The following SLC12A6 variants were observed in gnomAD, a reference collection of about 807,000 sequenced individuals.
SLC12A6 encodes the protein K-Cl cotransporter 3.
Under a neutral mutation model 135.3 loss-of-function variants are expected in SLC12A6, and 66 were observed. The ratio of observed to expected loss-of-function variants is 0.49; its 90% confidence interval spans 0.40 to 0.60. The LOEUF (loss-of-function observed/expected upper bound fraction) is 0.60, where lower values mean the gene tolerates loss of function less well. Among genes scored for constraint, SLC12A6 ranks in the 20% least tolerant of loss-of-function variants. The pLI, the probability that SLC12A6 is intolerant of heterozygous loss-of-function variation, is 0.00. For missense variants in SLC12A6, 1,058 were observed against 1,452.3 expected (o/e 0.73, Z 4.41); for synonymous variants, 513 against 508.8 (o/e 1.01, Z -0.11).
intron 2 of SLC12A6, among the ~76,000 whole-genome samples, chr15:34,298,308 C>A (rs1251903747): frequency 6.6e-6 from 1 of 151,936 alleles, no homozygotes; most frequent in Non-Finnish European, 1.5e-5. Flanking sequence ...AACCCCGTTT[C>A]TACTAAAAAT....
At chr15:34,317,000 C>T (rs1033377416) in intron 2 of SLC12A6, among the ~76,000 whole-genome samples, 2 of 152,136 alleles carry the variant, frequency 1.3e-5, no homozygotes, top group African/African-American at 4.8e-5. Flanking sequence ...TACACATTAG[C>T]CTTACTATCA....
chr15:34,236,348 C>CTT, intron 23 of SLC12A6, 149 bp from the exon 24 acceptor site: 17 of 600,630 alleles, frequency 2.8e-5, no homozygotes, highest in Non-Finnish European at 3.8e-5. Flanking sequence ...AGTATCATCC[C>CTT]TTTTTTTTTT....
At chr15:34,237,968 G>A (rs1010168847) in intron 21 of SLC12A6, among the ~76,000 whole-genome samples, 2 of 152,148 alleles carry the variant, frequency 1.3e-5, no homozygotes, top group Admixed American at 6.5e-5. Flanking sequence ...TTTAAAAAAA[G>A]ATGTGTTCAC....
intron 2 of SLC12A6, among the ~76,000 whole-genome samples, chr15:34,323,772 G>A (rs1041779358): frequency 2.0e-5 from 3 of 152,026 alleles, no homozygotes; most frequent in African/African-American, 2.4e-5. Context: ...GCAACATGGC[G>A]AAACCCTTTC....
chr15:34,291,947 G>A (rs1390229071), intron 2 of SLC12A6, among the ~76,000 whole-genome samples: 1 of 152,058 alleles, frequency 6.6e-6, no homozygotes, highest in African/African-American at 2.4e-5. Context: ...TTAGCTCGGA[G>A]AAGTTTGTTA....
chr15:34,318,464 C>A (rs1242630373), intron 2 of SLC12A6: 5 of 957,522 alleles, frequency 5.2e-6, no homozygotes, highest in Non-Finnish European at 8.6e-6. Flanking sequence ...CAACACTTTT[C>A]TCTGTCCTAA....
At chr15:34,275,473 C>A in intron 2 of SLC12A6, 84 bp from the exon 3 acceptor site, 1 of 799,298 alleles carries the variant, frequency 1.3e-6, no homozygotes, top group Non-Finnish European at 2.1e-6. Flanking sequence ...CAAAAGTCAA[C>A]CAAGGAAATA....
intron 2 of SLC12A6, among the ~76,000 whole-genome samples, chr15:34,334,363 C>T (rs1347038257): frequency 6.6e-6 from 1 of 152,098 alleles, no homozygotes; most frequent in Non-Finnish European, 1.5e-5. Flanking sequence ...TATATTAAAG[C>T]CAGCCTAGAG....
chr15:34,244,837 A>C (rs987105972), intron 15 of SLC12A6, among the ~76,000 whole-genome samples: 2 of 152,122 alleles, frequency 1.3e-5, no homozygotes, highest in African/African-American at 4.8e-5. Flanking sequence ...TTCCTAGGGC[A>C]CTCAGTGTTC....
chr15:34,250,415 ACACT>A (rs1892308903), intron 12 of SLC12A6, 60 bp from the exon 13 acceptor site: 3 of 1,049,064 alleles, frequency 2.9e-6, no homozygotes, highest in Admixed American at 3.4e-5. Flanking sequence ...TAGAAAGTAG[ACACT>A]CAGTAGACAC....
At position 34,252,162 on chromosome 15, in the gene SLC12A6, T is replaced by C; in HGVS notation, c.1333+8A>G. On this transcript the variant is annotated splice_region_variant and intron_variant, in intron 10 of 25. Transcript: ENST00000354181. ...GGAAAAAACTTGTCCAATAACTCCCTAACTTACCTGTAATTATACCACTAG... is the reference window on the plus strand; with the variant it reads ...GGAAAAAACTTGTCCAATAACTCCCCAACTTACCTGTAATTATACCACTAG... The C allele has an allele frequency of 6.8e-7, 1 of 1,461,160 alleles. No individual in the cohort carries two copies. Among genetic ancestry groups the C allele is most frequent in the Non-Finnish European group, 9.6e-7 (1 of 1,040,706 alleles). The allele number at this position is 1,461,160 out of a possible 1,614,324, so 90.5% of individuals were successfully genotyped here.
chr15:34,278,861 G>A (rs192386684), intron 2 of SLC12A6, among the ~76,000 whole-genome samples: 116 of 152,100 alleles, frequency 7.6e-4, no homozygotes, highest in African/African-American at 2.6e-3. Flanking sequence ...GGGCCACTGA[G>A]TCCAGCCAGA....
At chr15:34,252,464 A>T (rs1474987537) in intron 9 of SLC12A6, 80 bp from the exon 10 acceptor site, 3 of 816,284 alleles carry the variant, frequency 3.7e-6, no homozygotes, top group Non-Finnish European at 6.4e-6. Flanking sequence ...TTAGTAAAGG[A>T]AACAAGAACC....
intron 9 of SLC12A6, among the ~76,000 whole-genome samples, chr15:34,254,120 G>A (rs1215785849): frequency 6.6e-6 from 1 of 152,182 alleles, no homozygotes; most frequent in Non-Finnish European, 1.5e-5. Context: ...GAACCTAAAT[G>A]ATGGTTACAG....
Position 34,240,845 on chromosome 15 carries a change from T to C in SLC12A6, c.2268-16A>G, listed in dbSNP as rs1891591211. On this transcript the variant is annotated splice_polypyrimidine_tract_variant and intron_variant, in intron 18 of 25. Transcript: ENST00000354181. Reference sequence around the variant, plus strand: ...CAACTGAGGCCTGTGAAGAGGTTGGTGGGGGTTGGAGGGGAGGAGAAAACA... The same window carrying C: ...CAACTGAGGCCTGTGAAGAGGTTGGCGGGGGTTGGAGGGGAGGAGAAAACA... The C allele has an allele frequency of 6.2e-7, 1 of 1,607,494 alleles. No homozygotes were observed. The highest frequency in any genetic ancestry group is 8.5e-7 in the Non-Finnish European group (1 of 1,176,644).
intron 3 of SLC12A6, among the ~76,000 whole-genome samples, chr15:34,264,213 C>T (rs757627125): frequency 2.0e-5 from 3 of 152,148 alleles, no homozygotes; most frequent in Non-Finnish European, 4.4e-5. Context: ...AGGTGAAAGG[C>T]TGAGGCAAAA....
chr15:34,326,695 T>A (rs202243835), intron 2 of SLC12A6, among the ~76,000 whole-genome samples: 1 of 47,858 alleles, frequency 2.1e-5, no homozygotes, highest in Non-Finnish European at 3.6e-5. Flanking sequence ...TTTATTACTT[T>A]TTTTTTTTTT....
chr15:34,314,049 AT>A (rs199648925), intron 2 of SLC12A6, among the ~76,000 whole-genome samples: 16,597 of 140,304 alleles, frequency 0.12, 902 homozygotes, highest in South Asian at 0.17. Context: ...TGGTTTATTG[AT>A]TTTTTTTTTT....
chr15:34,284,446 G>A (rs1009529101), intron 2 of SLC12A6, among the ~76,000 whole-genome samples: 1 of 151,326 alleles, frequency 6.6e-6, no homozygotes, highest in Admixed American at 6.6e-5. Context: ...GCTAATTTTT[G>A]TATTTTTAGT....
Sources: allele counts gnomAD v4.1 joint callset (sites outside exome capture counted in the v4.1 genomes callset), GRCh38; gene constraint gnomAD v4.1.1; transcripts MANE v1.5; gene names NCBI Gene and HGNC (gene_info 2026-07-23, HGNC 2026-07-21).